The following UTP18 variants were observed in gnomAD, a reference collection of about 807,000 sequenced individuals.
The protein encoded by UTP18 is U3 small nucleolar RNA-associated protein 18 homolog.
Under a neutral mutation model 61.1 loss-of-function variants are expected in UTP18, and 36 were observed. That is an observed-to-expected ratio of 0.59 (90% CI 0.45 to 0.78). The LOEUF (loss-of-function observed/expected upper bound fraction) is 0.78. UTP18 is among the 30% of genes least tolerant of loss of function. The pLI, the probability that UTP18 is intolerant of heterozygous loss-of-function variation, is 0.00. For missense variants in UTP18, 753 were observed against 693.9 expected (o/e 1.09, Z -0.96); for synonymous variants, 282 against 251.1 (o/e 1.12, Z -1.16).
intron 9 of UTP18, among the ~76,000 whole-genome samples, chr17:51,282,867 C>CTTTTTTTTTTTT (rs534175274): frequency 2.5e-5 from 3 of 120,692 alleles, no homozygotes; most frequent in African/African-American, 5.7e-5. Flanking sequence ...TCTTCTTCTT[C>CTTTTTTTTTTTT]TTTTTTTTTT....
chr17:51,288,968 T>C (rs1905180142), intron 11 of UTP18, among the ~76,000 whole-genome samples: 2 of 152,246 alleles, frequency 1.3e-5, no homozygotes, highest in African/African-American at 4.8e-5. Context: ...AAGGTTTTTA[T>C]TGGGACTTCA....
At chr17:51,282,752 A>G (rs1041467435) in intron 9 of UTP18, among the ~76,000 whole-genome samples, 2 of 152,170 alleles carry the variant, frequency 1.3e-5, no homozygotes, top group Non-Finnish European at 1.5e-5. Flanking sequence ...GGTCCTAAGA[A>G]AGCAGGGAAG....
intron 5 of UTP18, 43 bp downstream of exon 5, chr17:51,273,493 C>T: frequency 2.1e-6 from 3 of 1,456,900 alleles, no homozygotes; most frequent in Non-Finnish European, 2.8e-6. Context: ...AACTACTTAC[C>T]TCTGCAGTTT....
Position 51,294,099 on chromosome 17 carries a change from G to A in UTP18, c.1646+54G>A. ...AGATACCTATAAACTACTTCTGACAGTATGAAGAGATACTATATATTCCTA... is the reference window on the plus strand; with the variant it reads ...AGATACCTATAAACTACTTCTGACAATATGAAGAGATACTATATATTCCTA... On this transcript the variant is annotated intron_variant, in intron 12 of 13. Transcript: ENST00000225298. 5 of 1,426,104 alleles carry A rather than the reference G, an allele frequency of 3.5e-6. No homozygotes were observed. The African/African-American group carries it at 4.4e-5, about 12-fold the overall frequency. 88.3% of individuals were successfully genotyped at this position (1,426,104 alleles called of 1,614,324 possible).
chr17:51,262,146 A>G (rs2055508506), intron 1 of UTP18, among the ~76,000 whole-genome samples: 1 of 150,204 alleles, frequency 6.7e-6, no homozygotes, highest in African/African-American at 2.5e-5. Context: ...CAGTGGCGCC[A>G]TCTCGGCTCA....
chr17:51,265,423 T>G (rs2055550673), intron 2 of UTP18, among the ~76,000 whole-genome samples: 2 of 150,732 alleles, frequency 1.3e-5, no homozygotes, highest in South Asian at 4.2e-4. Flanking sequence ...GCCACCACGC[T>G]GGACTAATTT....
chr17:51,288,126 G>A lies in UTP18; in HGVS notation c.1426G>A (p.Val476Ile), dbSNP rs1905160240. 6.2e-7 allele frequency: 1 copy of A among 1,610,246 alleles called. No individual in the cohort carries two copies. The highest frequency in any genetic ancestry group is 8.5e-7 in the Non-Finnish European group (1 of 1,179,136). The change falls in exon 11 of 14, where the codon GTT becomes ATT. Residue 476 changes from valine to isoleucine, a missense_variant. Transcript: ENST00000225298. Reference protein sequence around the residue: ...IKAIMNLVTGVTSLTFNPTTE... With the variant: ...IKAIMNLVTGITSLTFNPTTE... Reference sequence around the variant, plus strand: ...AGCTATAATGAACTTGGTTACAGGTGTTACTTCTCTGACCTTCAATCCTAC... The same window carrying A: ...AGCTATAATGAACTTGGTTACAGGTATTACTTCTCTGACCTTCAATCCTAC...
chr17:51,285,665 G>T (rs1905082451), intron 10 of UTP18, among the ~76,000 whole-genome samples: 2 of 152,264 alleles, frequency 1.3e-5, no homozygotes, highest in South Asian at 2.1e-4. Flanking sequence ...CCACATTCAC[G>T]TAACTTTTAT....
At chr17:51,297,211 C>T (rs1248624305) in intron 13 of UTP18, among the ~76,000 whole-genome samples, 3 of 152,104 alleles carry the variant, frequency 2.0e-5, no homozygotes, top group South Asian at 2.1e-4. Flanking sequence ...CAATCTGGCT[C>T]GGTTCTTCTG....
intron 12 of UTP18, among the ~76,000 whole-genome samples, chr17:51,294,382 A>G (rs1905307052): frequency 7.8e-6 from 1 of 128,346 alleles, no homozygotes; most frequent in Non-Finnish European, 1.6e-5. Context: ...CTGGAGTGTC[A>G]TGTTCTCCTT....
chr17:51,289,987 C>G (rs1029663103), intron 11 of UTP18, among the ~76,000 whole-genome samples: 3 of 152,154 alleles, frequency 2.0e-5, no homozygotes, highest in African/African-American at 7.2e-5. Flanking sequence ...TCCACAGAGC[C>G]CTAGATTCTG....
intron 12 of UTP18, 127 bp downstream of exon 12, chr17:51,294,172 C>A: frequency 1.5e-6 from 1 of 675,760 alleles, no homozygotes; most frequent in Non-Finnish European, 2.1e-6. Flanking sequence ...CTCTCATCTT[C>A]ATTATCTTAC....
rs747351139 is a variant in UTP18, at chr17:51,260,621, C to T, written c.37C>T (p.Arg13Trp). The T allele has an allele frequency of 4.3e-6, 7 of 1,612,504 alleles. No homozygotes were observed. In the South Asian group the frequency reaches 5.5e-5, roughly 13 times the overall value. The change falls in exon 1 of 14, where the codon CGG (arginine) becomes TGG (tryptophan). Residue 13 changes from arginine to tryptophan, a missense_variant. Arg to Trp is a moderately radical substitution (Grantham distance 101). Transcript: ENST00000225298. ...PERRRRMKLD[R>W]RTGAKPKRKP... Reference sequence around the variant, plus strand: ...GCGGAGGAGACGAATGAAACTGGACCGGAGAACCGGAGCGAAGCCGAAGCG... The same window carrying T: ...GCGGAGGAGACGAATGAAACTGGACTGGAGAACCGGAGCGAAGCCGAAGCG...
At chr17:51,276,100 A>C (rs184023650) in intron 6 of UTP18, 109 bp downstream of exon 6, 5 of 1,134,712 alleles carry the variant, frequency 4.4e-6, no homozygotes, top group Non-Finnish European at 6.0e-6. Flanking sequence ...CATAGCTAAA[A>C]CATCATAGCC....
At chr17:51,288,296 T>C in intron 11 of UTP18, 93 bp downstream of exon 11, 1 of 1,248,936 alleles carries the variant, frequency 8.0e-7, no homozygotes, top group Admixed American at 2.9e-5. Context: ...TTGAATTATT[T>C]TTAAAACAGT....
At chr17:51,281,364 A>G (rs180839850) in intron 9 of UTP18, among the ~76,000 whole-genome samples, 4 of 152,006 alleles carry the variant, frequency 2.6e-5, no homozygotes, top group African/African-American at 9.7e-5. Flanking sequence ...TCAGGGGTAA[A>G]TCATTCTCCT....
Position 51,288,054 on chromosome 17 carries a change from T to TTTACC in UTP18, c.1354_1355insTTACC (p.Tyr452PhefsTer17). ...TTCTAATTGTGGAGTGGTAAATATATACAATCAAGATTCTTGTCTCCAAGA... is the reference window on the plus strand; with the variant it reads ...TTCTAATTGTGGAGTGGTAAATATATTTACCACAATCAAGATTCTTGTCTCCAAGA... On this transcript the variant is annotated frameshift_variant, in exon 11 of 14. Coordinates refer to ENST00000225298, the MANE Select transcript of UTP18 (RefSeq NM_016001.3). LOFTEE classifies it high-confidence loss of function. The TTTACC allele has an allele frequency of 6.3e-7, 1 of 1,595,558 alleles. No individual in the cohort carries two copies. Among genetic ancestry groups the TTTACC allele is most frequent in the African/African-American group, 1.4e-5 (1 of 73,844 alleles).
At chr17:51,295,062 T>C (rs932872490) in intron 12 of UTP18, among the ~76,000 whole-genome samples, 7 of 152,204 alleles carry the variant, frequency 4.6e-5, no homozygotes, top group African/African-American at 1.7e-4. Flanking sequence ...TTTTTTCTTG[T>C]AAATTTGTTT....
chr17:51,280,000 T>C lies in UTP18; in HGVS notation c.1013-5T>C. ...TTTATTTAATTGCTTCATTTCCTAT[T>C]TTAGGTTTGAAAGAGAAGATAGTGA... On this transcript the variant is annotated splice_region_variant and splice_polypyrimidine_tract_variant and intron_variant, in intron 7 of 13. Coordinates refer to ENST00000225298, the MANE Select transcript of UTP18 (RefSeq NM_016001.3). The C allele has an allele frequency of 6.2e-7, 1 of 1,607,376 alleles. No homozygotes were observed. The highest frequency in any genetic ancestry group is 8.5e-7 in the Non-Finnish European group (1 of 1,176,354).
Sources: gnomAD v4.1 joint callset for allele counts (sites outside exome capture counted in the v4.1 genomes callset) on GRCh38, gnomAD v4.1.1 for gene constraint, MANE v1.5 for transcripts, NCBI Gene and HGNC (gene_info 2026-07-23, HGNC 2026-07-21) for gene names.